The following SHOC1 variants were observed in gnomAD, a reference collection of about 807,000 sequenced individuals.
SHOC1 encodes the protein protein shortage in chiasmata 1 ortholog.
In SHOC1, 136 loss-of-function variants were observed where a neutral mutation model predicts 179.2. The observed-to-expected ratio is 0.76, with a 90% CI of 0.66 to 0.87. SHOC1 has a LOEUF of 0.87. Among genes scored for constraint, SHOC1 ranks in the 40% least tolerant of loss-of-function variants. SHOC1 has a pLI of 0.00. For synonymous variants in SHOC1, 489 were observed against 586.6 expected (o/e 0.83, Z 2.41); for missense variants, 1,538 against 1,700.8 (o/e 0.90, Z 1.68).
intron 27 of SHOC1, among the ~76,000 whole-genome samples, chr9:111,687,507 A>G (rs889009841): frequency 2.0e-5 from 3 of 152,304 alleles, no homozygotes; most frequent in Admixed American, 1.3e-4. Flanking sequence ...GTTATAATTC[A>G]TAATCTCTAA....
intron 5 of SHOC1, 194 bp from the exon 6 acceptor site, chr9:111,759,042 A>G (rs549470755): frequency 1.7e-6 from 2 of 1,167,714 alleles, no homozygotes; most frequent in East Asian, 4.7e-5. Flanking sequence ...AGTACAATAA[A>G]TTTTAGTATT....
intron 5 of SHOC1, 28 bp from the exon 6 acceptor site, chr9:111,758,876 A>T: frequency 7.5e-7 from 1 of 1,329,056 alleles, no homozygotes; most frequent in Non-Finnish European, 1.0e-6. Flanking sequence ...ATATAAAGGA[A>T]TAAGAAAAAA....
At chr9:111,780,309 G>A (rs575311452) in intron 4 of SHOC1, among the ~76,000 whole-genome samples, 53 of 152,314 alleles carry the variant, frequency 3.5e-4, no homozygotes, top group African/African-American at 1.2e-3. Flanking sequence ...TTCTGTGCAT[G>A]AAGTGAAGCA....
At chr9:111,711,651 T>A (rs1224356031) in intron 18 of SHOC1, among the ~76,000 whole-genome samples, 1 of 152,112 alleles carries the variant, frequency 6.6e-6, no homozygotes, top group African/African-American at 2.4e-5. Flanking sequence ...TTAATGAAAA[T>A]TAGAAGGCAC....
At chr9:111,762,989 A>T (rs1281808587) in intron 5 of SHOC1, among the ~76,000 whole-genome samples, 3 of 152,120 alleles carry the variant, frequency 2.0e-5, no homozygotes, top group African/African-American at 7.2e-5. Context: ...GATAAATATG[A>T]TAACACTATA....
rs1402647144 is a variant in SHOC1 at position 111,691,666 on chromosome 9, A to G, written c.4311T>C (p.Asn1437=). The G allele has an allele frequency of 5.6e-6, 9 of 1,613,860 alleles. No homozygotes were observed. Among genetic ancestry groups the G allele is most frequent in the East Asian group, 2.2e-5 (1 of 44,874 alleles). The change falls in exon 27 of 28, where the codon AAT becomes AAC. Residue 1437 remains asparagine, a synonymous_variant. Transcript: ENST00000682961. Reference sequence around the variant, plus strand: ...GGCTGTTGAATTCTTTTTGATTTGCATTAGAATCAGAAGCACGAAATAAAT... The same window carrying G: ...GGCTGTTGAATTCTTTTTGATTTGCGTTAGAATCAGAAGCACGAAATAAAT... ...SLDLFRASDS[N]ANQKEFNSLY... is the part of the protein sequence containing the mutation.
rs760983476 is a variant in SHOC1, at chr9:111,702,070, C to T, written c.3089+35G>A. 100 of 1,399,338 alleles carry T rather than the reference C, an allele frequency of 7.1e-5. No individual in the cohort carries two copies. In the Admixed American group the frequency reaches 1.0e-3, roughly 14 times the overall value. The allele number at this position is 1,399,338 out of a possible 1,614,324, so 86.7% of individuals were successfully genotyped here. On this transcript the variant is annotated intron_variant, in intron 23 of 27. Coordinates refer to ENST00000682961, the MANE Select transcript of SHOC1 (RefSeq NM_001378211.1). ...TAAGAGGACTTAGGATTAAGAAATA[C>T]GAACATAACTTTGGATGAAGAAATG...
chr9:111,775,003 A>ATTT (rs1036352445), intron 5 of SHOC1, among the ~76,000 whole-genome samples: 17 of 150,464 alleles, frequency 1.1e-4, no homozygotes, highest in East Asian at 9.8e-4. Flanking sequence ...TTAAAAAAAA[A>ATTT]TTTTTTTTTT....
intron 1 of SHOC1, among the ~76,000 whole-genome samples, chr9:111,791,788 T>C (rs1836455068): frequency 1.3e-5 from 2 of 150,868 alleles, no homozygotes; most frequent in African/African-American, 2.4e-5. Context: ...AGAATAACCA[T>C]ATTTCTCAAG....
At chr9:111,785,458 T>A (rs1360555491) in intron 3 of SHOC1, among the ~76,000 whole-genome samples, 2 of 152,156 alleles carry the variant, frequency 1.3e-5, no homozygotes, top group African/African-American at 4.8e-5. Flanking sequence ...ACATAATATA[T>A]ACCAAGTAAA....
At chr9:111,735,351 C>G (rs13300808) in intron 12 of SHOC1, among the ~76,000 whole-genome samples, 1 of 151,866 alleles carries the variant, frequency 6.6e-6, no homozygotes, top group Non-Finnish European at 1.5e-5. Context: ...AACCCCACAA[C>G]AGGCCCTGGT....
rs1190134508 is a variant in SHOC1 at position 111,723,900 on chromosome 9, A to G, written c.1846T>C (p.Cys616Arg). Residue 616 changes from cysteine (C) to arginine (R), a missense_variant, in exon 14 of 28, where the codon TGT becomes CGT. Transcript: ENST00000682961. ...CTTTCTTCTTGAAGTGTCAAAGAACATGCTTCTTTATCTTGAAATTCCAAT... is the reference window on the plus strand; with the variant it reads ...CTTTCTTCTTGAAGTGTCAAAGAACGTGCTTCTTTATCTTGAAATTCCAAT... ...NSDEKHDKEACSLTLQEESPI... is the reference protein window; with the variant it reads ...NSDEKHDKEARSLTLQEESPI... 1.3e-6 allele frequency: 2 copies of G among 1,541,858 alleles called. No homozygotes were observed. Among genetic ancestry groups the G allele is most frequent in the Admixed American group, 1.8e-5 (1 of 54,962 alleles).
chr9:111,705,490 CA>C (rs1832227692), intron 20 of SHOC1, 126 bp from the exon 21 acceptor site: 1 of 432,434 alleles, frequency 2.3e-6, no homozygotes, highest in Non-Finnish European at 4.1e-6. Context: ...TGTAAAAAAT[CA>C]GAAACAGAAT....
At chr9:111,718,492 G>A (rs2131399064) in intron 15 of SHOC1, among the ~76,000 whole-genome samples, 1 of 152,230 alleles carries the variant, frequency 6.6e-6, no homozygotes, top group African/African-American at 2.4e-5. Context: ...TTATGAATGA[G>A]GAAATAGTAT....
intron 13 of SHOC1, among the ~76,000 whole-genome samples, chr9:111,725,422 CT>C (rs1833254522): frequency 6.6e-6 from 1 of 152,124 alleles, no homozygotes; most frequent in South Asian, 2.1e-4. Context: ...GTCAAATGAG[CT>C]TGCTAACTAA....
At chr9:111,737,288 C>T (rs969653039) in intron 12 of SHOC1, among the ~76,000 whole-genome samples, 4 of 152,232 alleles carry the variant, frequency 2.6e-5, no homozygotes, top group African/African-American at 9.6e-5. Context: ...GATTCCTTAT[C>T]TCCTTAGACC....
At chr9:111,785,686 A>C (rs536631649) in intron 3 of SHOC1, among the ~76,000 whole-genome samples, 1 of 152,316 alleles carries the variant, frequency 6.6e-6, no homozygotes, top group East Asian at 1.9e-4. Context: ...CATCATCTAC[A>C]TATCTTTTAT....
intron 17 of SHOC1, 113 bp from the exon 18 acceptor site, chr9:111,713,285 G>T: frequency 1.8e-6 from 1 of 556,632 alleles, no homozygotes; most frequent in Non-Finnish European, 3.2e-6. Context: ...ATGACAATAA[G>T]ATTACAAAGC....
rs149717011 is a variant in SHOC1, at chr9:111,758,298, G to A, written c.597-103C>T. 243 of 678,302 alleles carry A rather than the reference G, an allele frequency of 3.6e-4. 1 individual carries two copies. The African/African-American group carries it at 4.1e-3, about 11-fold the overall frequency. The allele number at this position is 678,302 out of a possible 1,614,324, so 42.0% of individuals were successfully genotyped here. A position where few individuals can be genotyped will look rare whatever the true frequency, so the allele number is the denominator to read the frequency against. ...ATTAAAATTAAAGTTGAGGTAAAACGATGATAAAAGTTATTGGCCGGGTGC... is the reference window on the plus strand; with the variant it reads ...ATTAAAATTAAAGTTGAGGTAAAACAATGATAAAAGTTATTGGCCGGGTGC... On this transcript the variant is annotated intron_variant, in intron 6 of 27. Coordinates refer to ENST00000682961, the MANE Select transcript of SHOC1 (RefSeq NM_001378211.1).
Sources: allele counts gnomAD v4.1 joint callset (sites outside exome capture counted in the v4.1 genomes callset), GRCh38; gene constraint gnomAD v4.1.1; transcripts MANE v1.5; gene names NCBI Gene and HGNC (gene_info 2026-07-23, HGNC 2026-07-21).